Variants in RYR3 observed in about 807,000 individuals in gnomAD.
RYR3 encodes ryanodine receptor 3.
RYR3 carries 207 observed loss-of-function variants against 584.3 expected under a neutral mutation model. The ratio of observed to expected loss-of-function variants is 0.35; its 90% CI spans 0.32 to 0.40. The LOEUF (loss-of-function observed/expected upper bound fraction) is 0.40. Among genes scored for constraint, RYR3 ranks in the 10% least tolerant of loss-of-function variants. The pLI is 1.00. For synonymous variants in RYR3, 2,416 were observed against 2,248.5 expected, an observed-to-expected ratio of 1.07 and a Z score of -2.11; for missense variants, 5,616 against 6,089.2, an observed-to-expected ratio of 0.92 and a Z score of 2.59.
chr15:33,526,654 T>C (rs199619296), intron 3 of RYR3, among the ~76,000 whole-genome samples: 2 of 139,298 alleles, frequency 1.4e-5, no homozygotes, highest in Non-Finnish European at 3.1e-5. Flanking sequence ...TTTTTTTTTT[T>C]CCATCTGTAA....
intron 62 of RYR3, among the ~76,000 whole-genome samples, chr15:33,771,271 C>G (rs2073547257): frequency 6.6e-6 from 1 of 152,228 alleles, no homozygotes; most frequent in African/African-American, 2.4e-5. Flanking sequence ...CACGGTGGCT[C>G]ACGCCTGTAA....
chr15:33,314,894 G>A (rs934364109), intron 1 of RYR3, among the ~76,000 whole-genome samples: 36 of 151,768 alleles, frequency 2.4e-4, no homozygotes, highest in African/African-American at 8.7e-4. Context: ...AGCCTGGGCG[G>A]CAGAGCAAGA....
intron 64 of RYR3, among the ~76,000 whole-genome samples, chr15:33,776,494 G>C (rs1313419429): frequency 6.6e-6 from 1 of 152,214 alleles, no homozygotes; most frequent in Non-Finnish European, 1.5e-5. Context: ...AATGAAGACT[G>C]AGTTTTCTAC....
chr15:33,793,948 ATATT>A (rs1367926504), intron 67 of RYR3, among the ~76,000 whole-genome samples: 71 of 143,770 alleles, frequency 4.9e-4, no homozygotes, highest in African/African-American at 8.6e-4. Context: ...ATATAAATAT[ATATT>A]TATTTATTTA....
At chr15:33,763,207 G>A (rs1211812027) in intron 60 of RYR3, among the ~76,000 whole-genome samples, 1 of 152,082 alleles carries the variant, frequency 6.6e-6, no homozygotes, top group Non-Finnish European at 1.5e-5. Flanking sequence ...CATAGGCATG[G>A]GCAAAGACTT....
chr15:33,477,066 T>G (rs1283994782), intron 2 of RYR3, among the ~76,000 whole-genome samples: 1 of 152,144 alleles, frequency 6.6e-6, no homozygotes, highest in Non-Finnish European at 1.5e-5. Flanking sequence ...TCTTGTATCC[T>G]AATGGAAGTC....
chr15:33,377,110 C>T (rs1029449562), intron 1 of RYR3, among the ~76,000 whole-genome samples: 22 of 152,180 alleles, frequency 1.4e-4, no homozygotes, highest in African/African-American at 5.1e-4. Context: ...TTTAGACAGA[C>T]GTAGACAATA....
chr15:33,674,734 T>A (rs757216187), intron 38 of RYR3, among the ~76,000 whole-genome samples: 2 of 150,220 alleles, frequency 1.3e-5, no homozygotes, highest in Non-Finnish European at 3.0e-5. Flanking sequence ...GATTGGGAAA[T>A]TGTCTGTGAA....
At chr15:33,492,560 A>G (rs963551834) in intron 2 of RYR3, among the ~76,000 whole-genome samples, 2 of 151,938 alleles carry the variant, frequency 1.3e-5, no homozygotes, top group African/African-American at 2.4e-5. Flanking sequence ...GGCATTGGGG[A>G]AAAATCTCAA....
intron 19 of RYR3, among the ~76,000 whole-genome samples, chr15:33,615,354 TTATATG>T (rs2060396995): frequency 6.6e-6 from 1 of 152,206 alleles, no homozygotes; most frequent in Admixed American, 6.5e-5. Flanking sequence ...CAAGATATGT[TTATATG>T]TTTTCCAAAG....
At chr15:33,741,695 G>A (rs910919682) in intron 51 of RYR3, among the ~76,000 whole-genome samples, 1 of 152,048 alleles carries the variant, frequency 6.6e-6, no homozygotes, top group Non-Finnish European at 1.5e-5. Context: ...CTCACTGCAA[G>A]CTCCACCTCC....
chr15:33,365,769 C>T (rs1975408062), intron 1 of RYR3, among the ~76,000 whole-genome samples: 1 of 152,116 alleles, frequency 6.6e-6, no homozygotes, highest in Non-Finnish European at 1.5e-5. Flanking sequence ...ATGGATATGT[C>T]TGTGGCCTTG....
chr15:33,450,875 G>A (rs560739254), intron 1 of RYR3, among the ~76,000 whole-genome samples: 7 of 152,282 alleles, frequency 4.6e-5, no homozygotes, highest in Admixed American at 4.6e-4. Flanking sequence ...TAGGACGCAT[G>A]TTTGGTGGCT....
At position 33,754,942 on chromosome 15, in the gene RYR3, G is replaced by A. The variant is rs575715497; in HGVS notation, c.8400-123G>A. 24 of 635,862 alleles carry A rather than the reference G, an allele frequency of 3.8e-5. No individual in the cohort carries two copies. The African/African-American group carries it at 4.0e-4, about 11-fold the overall frequency. The allele number at this position is 635,862 out of a possible 1,614,324, so 39.4% of individuals were successfully genotyped here. A position where few individuals can be genotyped will look rare whatever the true frequency, so the allele number is the denominator to read the frequency against. ...GGAAATCAGTCAAATGATGAGTCAT[G>A]TCACTACGCCAGAATAACCACTAAC... On this transcript the variant is annotated intron_variant, in intron 57 of 103. Coordinates refer to ENST00000634891, the MANE Select transcript of RYR3 (RefSeq NM_001036.6).
At chr15:33,719,388 T>C (rs1274659273) in intron 43 of RYR3, among the ~76,000 whole-genome samples, 1 of 152,226 alleles carries the variant, frequency 6.6e-6, no homozygotes, top group Non-Finnish European at 1.5e-5. Flanking sequence ...TCCCACCAAC[T>C]TCGTGATGCC....
At chr15:33,395,499 G>A (rs751612314) in intron 1 of RYR3, among the ~76,000 whole-genome samples, 19 of 152,144 alleles carry the variant, frequency 1.2e-4, no homozygotes, top group Admixed American at 2.0e-4. Context: ...ATGTCAGCCC[G>A]GGCTCTAGGA....
rs1035698619 is a variant in RYR3 at position 33,726,559 on chromosome 15, C to T, written c.7033+53C>T. 5.0e-5 allele frequency: 77 copies of T among 1,526,998 alleles called. No individual in the cohort carries two copies. In the East Asian group the frequency reaches 1.3e-3, roughly 26 times the overall value. The allele number at this position is 1,526,998 out of a possible 1,614,324, so 94.6% of individuals were successfully genotyped here. A position where few individuals can be genotyped will look rare whatever the true frequency, so the allele number is the denominator to read the frequency against. On this transcript the variant is annotated intron_variant, in intron 46 of 103. Coordinates refer to ENST00000634891, the MANE Select transcript of RYR3 (RefSeq NM_001036.6). ...AGCAGTCTCCCAGCAGCCACTGGCT[C>T]GGGGCAGGACTCTGTCCCCAGCACA...
intron 1 of RYR3, among the ~76,000 whole-genome samples, chr15:33,404,800 A>T (rs950159271): frequency 6.6e-6 from 1 of 152,182 alleles, no homozygotes; most frequent in Admixed American, 6.5e-5. Context: ...TCCAGACAGA[A>T]TATATTCCTT....
chr15:33,562,765 A>AT (rs2152484054), intron 10 of RYR3, 72 bp from the exon 11 acceptor site: 3 of 1,132,710 alleles, frequency 2.6e-6, no homozygotes, highest in Non-Finnish European at 3.9e-6. Context: ...TTCATAGGTG[A>AT]TTCGTTTTGT....
Sources: gnomAD v4.1 joint callset for allele counts (sites outside exome capture counted in the v4.1 genomes callset) on GRCh38, gnomAD v4.1.1 for gene constraint, MANE v1.5 for transcripts, NCBI Gene and HGNC (gene_info 2026-07-23, HGNC 2026-07-21) for gene names.